Variants in ARHGAP17 observed in about 807,000 individuals in gnomAD.
The protein encoded by ARHGAP17 is rho GTPase-activating protein 17.
Under a neutral mutation model 99.5 loss-of-function variants are expected in ARHGAP17, and 57 were observed. The observed-to-expected ratio is 0.57, with a 90% confidence interval of 0.46 to 0.71. The LOEUF is 0.71. ARHGAP17 is among the 30% of genes least tolerant of loss of function. ARHGAP17 has a pLI of 0.00. For synonymous variants in ARHGAP17, 417 were observed against 429.6 expected (o/e 0.97, Z 0.36); for missense variants, 1,000 against 1,122.4 (o/e 0.89, Z 1.56).
At chr16:25,010,654 A>G (rs2053620879) in intron 1 of ARHGAP17, among the ~76,000 whole-genome samples, 1 of 152,218 alleles carries the variant, frequency 6.6e-6, no homozygotes, top group Non-Finnish European at 1.5e-5. Flanking sequence ...ATCCACAGAA[A>G]TATTTTGTTC....
At chr16:24,921,622 T>C (rs2050721905) in intron 19 of ARHGAP17, among the ~76,000 whole-genome samples, 4 of 152,152 alleles carry the variant, frequency 2.6e-5, no homozygotes, top group Admixed American at 2.6e-4. Context: ...TTCCTGTCCC[T>C]ACAGTTCTGA....
At chr16:24,954,916 T>C in intron 9 of ARHGAP17, 186 bp from the exon 10 acceptor site, 1 of 803,664 alleles carries the variant, frequency 1.2e-6, no homozygotes, top group Non-Finnish European at 1.9e-6. Flanking sequence ...TGGACCAGGC[T>C]GGGGCGGTTA....
chr16:24,966,496 G>A (rs944018992), intron 6 of ARHGAP17, among the ~76,000 whole-genome samples: 1 of 152,144 alleles, frequency 6.6e-6, no homozygotes, highest in Non-Finnish European at 1.5e-5. Flanking sequence ...AGCCAGGTGT[G>A]GTGGCACATG....
At chr16:24,976,062 A>G (rs951031540) in intron 3 of ARHGAP17, among the ~76,000 whole-genome samples, 8 of 152,076 alleles carry the variant, frequency 5.3e-5, no homozygotes, top group African/African-American at 1.9e-4. Flanking sequence ...ACTAACTTAA[A>G]CCAATCGGCA....
chr16:24,953,017 G>T lies in ARHGAP17; in HGVS notation c.878C>A (p.Ala293Asp). The change falls in exon 11 of 20, where the codon GCC (alanine) becomes GAC (aspartate). Residue 293 changes from alanine (A) to aspartate (D), a missense_variant. By Grantham distance (126) the Ala-to-Asp change is moderately radical. Transcript: ENST00000289968. ...AGCTTTCAGCTTCTTTAACTTGGAGGCCCCAGCCCCAATTCGGAAAAGGCC... is the reference window on the plus strand; with the variant it reads ...AGCTTTCAGCTTCTTTAACTTGGAGTCCCCAGCCCCAATTCGGAAAAGGCC... Reference protein sequence around the residue: ...EEGLFRIGAGASKLKKLKAAL... With the variant: ...EEGLFRIGAGDSKLKKLKAAL... 1 of 1,614,134 alleles carries T rather than the reference G, an allele frequency of 6.2e-7. No homozygotes were observed. Among genetic ancestry groups the T allele is most frequent in the African/African-American group, 1.3e-5 (1 of 75,036 alleles).
chr16:24,930,595 T>G, intron 19 of ARHGAP17, 189 bp downstream of exon 19: 1 of 994,804 alleles, frequency 1.0e-6, no homozygotes, highest in Non-Finnish European at 1.6e-6. Flanking sequence ...ACAGACAATA[T>G]GTTAACAAAT....
chr16:24,984,389 G>A (rs185832936), intron 1 of ARHGAP17, among the ~76,000 whole-genome samples: 95 of 152,236 alleles, frequency 6.2e-4, no homozygotes, highest in African/African-American at 1.9e-3. Context: ...TACTGAGGCC[G>A]GGCGCAGTGG....
intron 1 of ARHGAP17, among the ~76,000 whole-genome samples, chr16:25,001,275 T>A (rs77944183): frequency 6.6e-6 from 1 of 151,306 alleles, no homozygotes; most frequent in Non-Finnish European, 1.5e-5. Flanking sequence ...CAAAAAAAAA[T>A]ACCTGGGAAG....
chr16:24,973,036 A>G (rs2052414932), intron 3 of ARHGAP17, among the ~76,000 whole-genome samples: 1 of 151,562 alleles, frequency 6.6e-6, no homozygotes, highest in Non-Finnish European at 1.5e-5. Context: ...GGGTTTTGCC[A>G]TGTTGCACAG....
In ARHGAP17 at chr16:24,974,428, C is replaced by G. The variant is rs116079396; in HGVS notation, c.198+2787G>C. Among the ~76,000 whole-genome samples, 909 of 152,140 alleles carry G rather than the reference C, an allele frequency of 6.0e-3. 10 individuals carry two copies. The highest frequency in any genetic ancestry group is 0.021 in the African/African-American group (854 of 41,514). ...TGGGCGACACAGCAAGATTCCATCTCAAAAAACAAACAAACAAACAAAAAA... is the reference window on the plus strand; with the variant it reads ...TGGGCGACACAGCAAGATTCCATCTGAAAAAACAAACAAACAAACAAAAAA... On this transcript the variant is annotated intron_variant, in intron 3 of 19. Transcript: ENST00000289968.
intron 12 of ARHGAP17, 42 bp downstream of exon 12, chr16:24,952,247 C>T: frequency 6.7e-7 from 1 of 1,485,152 alleles, no homozygotes; most frequent in Middle Eastern, 1.7e-4. Flanking sequence ...AATATCACTT[C>T]ATTCCCTTTA....
rs574914168 is a variant in ARHGAP17 at position 24,978,914 on chromosome 16, AT to A, written c.93+51del. The A allele has an allele frequency of 3.0e-4, 422 of 1,401,932 alleles. 1 individual carries two copies. The African/African-American group carries it at 5.6e-3, about 18-fold the overall frequency. 86.8% of individuals were successfully genotyped at this position (1,401,932 alleles called of 1,614,324 possible). ...CACAGGCCTCAATTCTCACATAGGA[AT>A]TTTTTTCCATCCTTTAAACAGATCA... On this transcript the variant is annotated intron_variant, in intron 2 of 19. Transcript: ENST00000289968.
intron 12 of ARHGAP17, among the ~76,000 whole-genome samples, chr16:24,950,855 A>AG (rs1555462260): frequency 2.3e-4 from 34 of 149,876 alleles, no homozygotes; most frequent in African/African-American, 8.3e-4. Context: ...AAAAAAAAAA[A>AG]AAAGAAAAAA....
At chr16:24,982,980 A>ATATATATATATT (rs1555467413) in intron 1 of ARHGAP17, among the ~76,000 whole-genome samples, 111 of 16,864 alleles carry the variant, frequency 6.6e-3, no homozygotes, top group South Asian at 0.023. Context: ...ATATATATAT[A>ATATATATATATT]TATATATATA....
chr16:25,003,942 T>G (rs972230662), intron 1 of ARHGAP17, among the ~76,000 whole-genome samples: 40 of 152,254 alleles, frequency 2.6e-4, no homozygotes, highest in African/African-American at 9.1e-4. Flanking sequence ...TAGCAATCAC[T>G]ACCCAAGTGA....
intron 18 of ARHGAP17, among the ~76,000 whole-genome samples, chr16:24,932,736 T>A (rs918388566): frequency 1.3e-4 from 20 of 151,984 alleles, no homozygotes; most frequent in Non-Finnish European, 2.2e-4. Flanking sequence ...AGATCAGGGA[T>A]AGGAACCTGG....
rs1277704053 is a variant in ARHGAP17 at position 24,955,399 on chromosome 16, C to T, written c.725-669G>A. The stretch of plus-strand genomic sequence containing the variant: ...AAGGCTATGCTGATGGCAGGAAAGC[C>T]ATATTTTAGATTATCTTCAGGTTAT... On this transcript the variant is annotated intron_variant, in intron 9 of 19. Transcript: ENST00000289968. This position sits in a 1 kb window ranked among gnomAD's most constrained non-coding sequence, Gnocchi z 4.0. 1 of 152,224 alleles carries T rather than the reference C, an allele frequency of 6.6e-6. No individual in the cohort carries two copies. Among genetic ancestry groups the T allele is most frequent in the African/African-American group, 2.4e-5 (1 of 41,452 alleles). The allele number at this position is 152,224 out of a possible 1,614,324, so 9.4% of individuals were successfully genotyped here. A position where few individuals can be genotyped will look rare whatever the true frequency, so the allele number is the denominator to read the frequency against.
At chr16:24,962,066 T>C (rs1567233352) in intron 7 of ARHGAP17, among the ~76,000 whole-genome samples, 1 of 151,398 alleles carries the variant, frequency 6.6e-6, no homozygotes, top group African/African-American at 2.4e-5. Flanking sequence ...TTGGAAATGC[T>C]AGTTAGAAGT....
At chr16:24,958,824 T>C (rs1224531233) in intron 9 of ARHGAP17, among the ~76,000 whole-genome samples, 1 of 152,056 alleles carries the variant, frequency 6.6e-6, no homozygotes, top group Non-Finnish European at 1.5e-5. Context: ...CCTGGCCTGA[T>C]CCCCTTTCAG....
Sources: allele counts gnomAD v4.1 joint callset (sites outside exome capture counted in the v4.1 genomes callset), GRCh38; gene constraint gnomAD v4.1.1; non-coding constraint Gnocchi (gnomAD v3.1); transcripts MANE v1.5; gene names NCBI Gene and HGNC (gene_info 2026-07-23, HGNC 2026-07-21).